The following TGFBR3 variants were observed in gnomAD, a reference collection of about 807,000 sequenced individuals.
TGFBR3 encodes the protein transforming growth factor beta receptor 3.
A neutral mutation model predicts 87.9 loss-of-function variants in TGFBR3; 46 were observed. The ratio of observed to expected loss-of-function variants is 0.52; its 90% CI spans 0.41 to 0.67. The LOEUF (loss-of-function observed/expected upper bound fraction) is 0.67, where lower values mean the gene tolerates loss of function less well. Among genes scored for constraint, TGFBR3 ranks in the 30% least tolerant of loss-of-function variants. The probability of loss-of-function intolerance (pLI) is 0.00; values close to 1 mark genes in which losing one functional copy is unlikely to be tolerated. For missense variants in TGFBR3, 866 were observed against 1,041.9 expected (o/e 0.83, Z 2.32); for synonymous variants, 381 against 391.6 (o/e 0.97, Z 0.32).
chr1:91,775,918 C>T (rs1009255709), intron 3 of TGFBR3, among the ~76,000 whole-genome samples: 2 of 152,152 alleles, frequency 1.3e-5, no homozygotes, highest in African/African-American at 4.8e-5. Flanking sequence ...TGCTAAAGGG[C>T]AAAATACTAA....
At chr1:91,803,863 C>T (rs1422852479) in intron 2 of TGFBR3, among the ~76,000 whole-genome samples, 5 of 152,166 alleles carry the variant, frequency 3.3e-5, no homozygotes, top group African/African-American at 1.2e-4. Flanking sequence ...TGGTACTCTC[C>T]GTTTCTCTCC....
chr1:91,851,651 G>C (rs1677741652), intron 2 of TGFBR3, among the ~76,000 whole-genome samples: 1 of 152,220 alleles, frequency 6.6e-6, no homozygotes, highest in African/African-American at 2.4e-5. Context: ...GCAAGGGTAA[G>C]CTTTTAGCAA....
At chr1:91,753,982 T>C (rs567200746) in intron 4 of TGFBR3, among the ~76,000 whole-genome samples, 1 of 152,332 alleles carries the variant, frequency 6.6e-6, no homozygotes, top group East Asian at 1.9e-4. Flanking sequence ...CCACCAGCAA[T>C]GTATGCGTGT....
At chr1:91,764,566 A>T (rs1269843721) in intron 3 of TGFBR3, among the ~76,000 whole-genome samples, 1 of 152,020 alleles carries the variant, frequency 6.6e-6, no homozygotes, top group Non-Finnish European at 1.5e-5. Flanking sequence ...GAGCAGCCAC[A>T]GCTCCCCCGG....
rs572611321 is a variant in TGFBR3, at chr1:91,685,690, C to A, written c.2438-1833G>T. Among the ~76,000 whole-genome samples, 68 of 152,232 alleles carry A rather than the reference C, an allele frequency of 4.5e-4. No individual in the cohort carries two copies. The South Asian group carries it at 6.0e-3, about 13-fold the overall frequency. ...CTCCCCAGCACTGCCCTCTACTCTT[C>A]ATGTGTGTGTATAATTAAGGCTGGG... is the stretch of plus-strand genomic sequence containing the variant. On this transcript the variant is annotated intron_variant, in intron 16 of 16. Coordinates refer to ENST00000212355, the MANE Select transcript of TGFBR3 (RefSeq NM_003243.5).
At chr1:91,881,899 C>T (rs889368895) in intron 1 of TGFBR3, among the ~76,000 whole-genome samples, 49 of 151,764 alleles carry the variant, frequency 3.2e-4, no homozygotes, top group Admixed American at 9.2e-4. Context: ...ATTAGTCGGG[C>T]GTGGTGGCAT....
chr1:91,693,098 T>C (rs1671320855), intron 16 of TGFBR3, among the ~76,000 whole-genome samples: 1 of 152,196 alleles, frequency 6.6e-6, no homozygotes, highest in South Asian at 2.1e-4. Context: ...CTGACCCAGG[T>C]AACAAACTGA....
intron 14 of TGFBR3, among the ~76,000 whole-genome samples, chr1:91,707,591 C>G (rs181735332): frequency 2.0e-5 from 3 of 152,228 alleles, no homozygotes; most frequent in Non-Finnish European, 4.4e-5. Context: ...GAAACTGGAG[C>G]CAGACAGTGT....
chr1:91,863,411 A>T (rs1678272081), intron 1 of TGFBR3, among the ~76,000 whole-genome samples: 1 of 152,174 alleles, frequency 6.6e-6, no homozygotes, highest in African/African-American at 2.4e-5. Flanking sequence ...TCTTGAATGA[A>T]CATATCCTGT....
intron 2 of TGFBR3, among the ~76,000 whole-genome samples, chr1:91,894,921 C>G (rs1458090014): frequency 3.3e-5 from 5 of 152,192 alleles, no homozygotes; most frequent in African/African-American, 1.2e-4. Flanking sequence ...CAGGTATGTA[C>G]CACCACACCT....
chr1:91,781,228 C>T (rs748399471), intron 3 of TGFBR3, among the ~76,000 whole-genome samples: 1 of 152,192 alleles, frequency 6.6e-6, no homozygotes, highest in Non-Finnish European at 1.5e-5. Context: ...TCTTCCTCCA[C>T]CACAGTTACT....
intron 12 of TGFBR3, among the ~76,000 whole-genome samples, chr1:91,712,806 G>C (rs966272820): frequency 1.3e-5 from 2 of 152,184 alleles, no homozygotes; most frequent in Non-Finnish European, 2.9e-5. Context: ...AGATGAGTAA[G>C]TCTCTTCCAC....
rs369754748 is a variant in TGFBR3 at position 91,848,341 on chromosome 1, A to G, written c.61+13130T>C. 5.3e-5 allele frequency among the ~76,000 whole-genome samples: 8 copies of G among 152,306 alleles called. No individual in the cohort carries two copies. The East Asian group carries it at 1.5e-3, about 29-fold the overall frequency. ...AGTCTTTGACCCATCAAGGCCTACT[A>G]AAACAGAATCTGCATTTTAACAAGA... On this transcript the variant is annotated intron_variant, in intron 2 of 16. Coordinates refer to ENST00000212355, the MANE Select transcript of TGFBR3 (RefSeq NM_003243.5).
chr1:91,817,335 A>G (rs940646332), intron 2 of TGFBR3, among the ~76,000 whole-genome samples: 1 of 152,236 alleles, frequency 6.6e-6, no homozygotes, highest in African/African-American at 2.4e-5. Context: ...ACATATTAGC[A>G]CTGTGTAATA....
chr1:91,716,986 T>C (rs1008889027), intron 10 of TGFBR3, among the ~76,000 whole-genome samples: 2 of 152,210 alleles, frequency 1.3e-5, no homozygotes, highest in Non-Finnish European at 2.9e-5. Context: ...TATTGAATAA[T>C]TACAAATGAT....
chr1:91,817,980 C>A (rs556164087), intron 2 of TGFBR3, among the ~76,000 whole-genome samples: 1 of 151,700 alleles, frequency 6.6e-6, no homozygotes, highest in Admixed American at 6.6e-5. Flanking sequence ...AAATAATGAT[C>A]ATAAATAAAG....
upstream of TGFBR3, among the ~76,000 whole-genome samples, chr1:91,888,864 G>C (rs1379285764): frequency 6.6e-6 from 1 of 152,078 alleles, no homozygotes; most frequent in Non-Finnish European, 1.5e-5. Flanking sequence ...GCCAGCGTGG[G>C]TACTGAATTC....
At chr1:91,716,183 G>T in intron 12 of TGFBR3, 53 bp downstream of exon 12, 7 of 1,609,052 alleles carry the variant, frequency 4.4e-6, no homozygotes, top group Non-Finnish European at 5.9e-6. Flanking sequence ...GATGTCTAAG[G>T]AACTATAGCC....
At chr1:91,826,978 T>C (rs1359664464) in intron 2 of TGFBR3, among the ~76,000 whole-genome samples, 1 of 152,172 alleles carries the variant, frequency 6.6e-6, no homozygotes, top group Non-Finnish European at 1.5e-5. Flanking sequence ...AAGCAGATTT[T>C]AACGGAGAAA....
Sources: allele counts gnomAD v4.1 joint callset (sites outside exome capture counted in the v4.1 genomes callset), GRCh38; gene constraint gnomAD v4.1.1; transcripts MANE v1.5; gene names NCBI Gene and HGNC (gene_info 2026-07-23, HGNC 2026-07-21).